EFCAB6: variants seen among roughly 807,000 people sequenced by gnomAD.
EFCAB6 encodes EF-hand calcium binding domain 6, also known as EF-hand calcium-binding domain-containing protein 6.
EFCAB6 carries 156 observed loss-of-function variants against 169.8 expected under a neutral mutation model. That is an observed-to-expected ratio of 0.92 (90% confidence interval 0.81 to 1.05). The LOEUF is 1.05. EFCAB6 is among the 50% of genes least tolerant of loss of function. The pLI, the probability that EFCAB6 is intolerant of heterozygous loss-of-function variation, is 0.00. For missense variants in EFCAB6, 1,800 were observed against 1,829.1 expected (o/e 0.98, Z 0.29); for synonymous variants, 698 against 676.4 (o/e 1.03, Z -0.50).
intron 2 of EFCAB6, among the ~76,000 whole-genome samples, chr22:43,806,495 C>A (rs1320288999): frequency 1.3e-5 from 2 of 152,134 alleles, no homozygotes; most frequent in Non-Finnish European, 2.9e-5. Context: ...ATTCTCCCAC[C>A]TCAGCCTCCC....
intron 2 of EFCAB6, among the ~76,000 whole-genome samples, chr22:43,793,948 T>C (rs2062404852): frequency 1.3e-5 from 2 of 152,214 alleles, no homozygotes; most frequent in East Asian, 3.8e-4. Flanking sequence ...CAAAGGGCCG[T>C]GAAAGCAAGC....
intron 23 of EFCAB6, among the ~76,000 whole-genome samples, chr22:43,594,581 G>A (rs953931953): frequency 7.2e-5 from 11 of 152,138 alleles, no homozygotes; most frequent in African/African-American, 2.7e-4. Flanking sequence ...TCAGCAACAG[G>A]ATATAACAAT....
At chr22:43,784,883 AT>A (rs568505143) in intron 2 of EFCAB6, among the ~76,000 whole-genome samples, 4 of 150,724 alleles carry the variant, frequency 2.7e-5, no homozygotes, top group East Asian at 4.0e-4. Flanking sequence ...CTCTAAATAA[AT>A]TTTTTTTAAA....
intron 26 of EFCAB6, among the ~76,000 whole-genome samples, chr22:43,568,169 G>T (rs886379135): frequency 6.6e-6 from 1 of 152,228 alleles, no homozygotes; most frequent in Non-Finnish European, 1.5e-5. Context: ...GCCTGGCCCA[G>T]AGCCAGGCAC....
At chr22:43,636,704 G>A (rs550190911) in intron 17 of EFCAB6, among the ~76,000 whole-genome samples, 37 of 148,200 alleles carry the variant, frequency 2.5e-4, no homozygotes, top group South Asian at 8.6e-4. Flanking sequence ...TCTGCCTCCC[G>A]GGCTCAAGTG....
rs982290752 is a variant in EFCAB6 at position 43,607,570 on chromosome 22, C to T, written c.2681+912G>A. Reference sequence around the variant, plus strand: ...AGTCTAACTGGACCCTGTGTTGGAACTGATCTTTAAAAAGTAAGCATTTTG... The same window carrying T: ...AGTCTAACTGGACCCTGTGTTGGAATTGATCTTTAAAAAGTAAGCATTTTG... On this transcript the variant is annotated intron_variant, in intron 22 of 31. Coordinates refer to ENST00000262726, the MANE Select transcript of EFCAB6 (RefSeq NM_022785.4). Among the ~76,000 whole-genome samples, 20 of 152,330 alleles carry T rather than the reference C, an allele frequency of 1.3e-4. No individual in the cohort carries two copies. The East Asian group carries it at 2.7e-3, about 21-fold the overall frequency.
intron 12 of EFCAB6, 113 bp downstream of exon 12, chr22:43,683,634 T>C: frequency 2.5e-6 from 2 of 789,386 alleles, no homozygotes; most frequent in South Asian, 3.2e-5. Flanking sequence ...GCTCAAGAAG[T>C]GTTTGTTGGA....
chr22:43,632,612 T>G (rs1156507687), intron 18 of EFCAB6, among the ~76,000 whole-genome samples: 3 of 152,220 alleles, frequency 2.0e-5, no homozygotes, highest in Non-Finnish European at 4.4e-5. Context: ...CTGGCTTCAT[T>G]TCTACATCAA....
At chr22:43,692,886 T>C (rs2147198183) in intron 10 of EFCAB6, among the ~76,000 whole-genome samples, 1 of 152,230 alleles carries the variant, frequency 6.6e-6, no homozygotes, top group African/African-American at 2.4e-5. Context: ...AGATTTAAGA[T>C]ACACAACAAA....
rs564590833 is a variant in EFCAB6, at chr22:43,795,271, T to C, written c.-7-12946A>G. Among the ~76,000 whole-genome samples the C allele has an allele frequency of 6.6e-6, 1 of 152,326 alleles. No individual in the cohort carries two copies. The highest frequency in any genetic ancestry group is 6.5e-5 in the Admixed American group (1 of 15,298). ...AACAAGTACAGTGGGGCATACACTA[T>C]GAATACAACGATATAAAAATATATT... On this transcript the variant is annotated intron_variant, in intron 2 of 31. Coordinates refer to ENST00000262726, the MANE Select transcript of EFCAB6 (RefSeq NM_022785.4). The surrounding 1 kb of genome is among the most constrained non-coding windows in gnomAD (Gnocchi z 4.2).
intron 17 of EFCAB6, among the ~76,000 whole-genome samples, chr22:43,648,826 T>A (rs527804818): frequency 6.6e-6 from 1 of 152,334 alleles, no homozygotes; most frequent in African/African-American, 2.4e-5. Flanking sequence ...TGATACTTTA[T>A]AAAATTGATT....
chr22:43,730,882 C>T (rs370052315), intron 8 of EFCAB6, among the ~76,000 whole-genome samples: 1 of 152,112 alleles, frequency 6.6e-6, no homozygotes, highest in Admixed American at 6.5e-5. Flanking sequence ...TGAGAATCTG[C>T]CATTTTTCAG....
intron 24 of EFCAB6, 52 bp downstream of exon 24, chr22:43,590,022 C>A: frequency 6.3e-7 from 1 of 1,581,542 alleles, no homozygotes; most frequent in South Asian, 1.2e-5. Context: ...GGCAATTCTC[C>A]AGTATGTTTT....
At position 43,572,383 on chromosome 22, in the gene EFCAB6, A is replaced by G. The variant is rs2049945139; in HGVS notation, c.3420+3914T>C. Among the ~76,000 whole-genome samples the G allele has an allele frequency of 6.6e-6, 1 of 152,194 alleles. No individual in the cohort carries two copies. Among genetic ancestry groups the G allele is most frequent in the Non-Finnish European group, 1.5e-5 (1 of 68,032 alleles). On this transcript the variant is annotated intron_variant, in intron 26 of 31. Transcript: ENST00000262726. This position sits in a 1 kb window ranked among gnomAD's most constrained non-coding sequence, Gnocchi z 4.0. ...CACTCAGGCCTCGCTGAGGGGGGACAGCAGACATGGAGCTTCAAGCCCGGT... is the reference window on the plus strand; with the variant it reads ...CACTCAGGCCTCGCTGAGGGGGGACGGCAGACATGGAGCTTCAAGCCCGGT...
At chr22:43,690,608 C>T (rs1467462222) in intron 10 of EFCAB6, among the ~76,000 whole-genome samples, 2 of 151,996 alleles carry the variant, frequency 1.3e-5, no homozygotes, top group South Asian at 4.1e-4. Context: ...AGAAACGACA[C>T]TCCTTCTGAA....
intron 17 of EFCAB6, among the ~76,000 whole-genome samples, chr22:43,648,842 AT>A (rs888348271): frequency 2.0e-5 from 3 of 152,246 alleles, no homozygotes; most frequent in African/African-American, 7.2e-5. Flanking sequence ...TGATTCATGC[AT>A]TTGAAAAATA....
intron 23 of EFCAB6, among the ~76,000 whole-genome samples, chr22:43,596,395 T>G (rs1484960337): frequency 1.3e-5 from 2 of 151,972 alleles, no homozygotes; most frequent in Middle Eastern, 6.3e-3. Context: ...ACAAATTCAG[T>G]AAAGTTTTAG....
intron 24 of EFCAB6, among the ~76,000 whole-genome samples, 178 bp from the exon 25 acceptor site, chr22:43,580,837 C>T (rs886599982): frequency 2.0e-5 from 3 of 152,208 alleles, no homozygotes; most frequent in African/African-American, 7.2e-5. Flanking sequence ...TAGACACACA[C>T]ATCCTGCAAT....
chr22:43,551,405 G>C (rs567893477), intron 27 of EFCAB6, among the ~76,000 whole-genome samples: 19 of 152,228 alleles, frequency 1.2e-4, no homozygotes, highest in Non-Finnish European at 2.4e-4. Context: ...CAATGGCAAA[G>C]ACCGCAATTA....
Sources: allele counts gnomAD v4.1 joint callset (sites outside exome capture counted in the v4.1 genomes callset), GRCh38; gene constraint gnomAD v4.1.1; non-coding constraint Gnocchi (gnomAD v3.1); transcripts MANE v1.5; gene names NCBI Gene and HGNC (gene_info 2026-07-23, HGNC 2026-07-21).